The following GLCCI1 variants were observed in gnomAD, a reference collection of about 807,000 sequenced individuals.
GLCCI1 encodes the protein glucocorticoid-induced transcript 1 protein.
Under a neutral mutation model 52.2 loss-of-function variants are expected in GLCCI1, and 24 were observed. The observed-to-expected ratio is 0.46, with a 90% CI of 0.33 to 0.65. GLCCI1 has a LOEUF of 0.65. Ranked by LOEUF, GLCCI1 falls within the 30% of genes least tolerant of loss-of-function variation. The pLI, the probability that GLCCI1 is intolerant of heterozygous loss-of-function variation, is 0.02. For synonymous variants in GLCCI1, 310 were observed against 276.5 expected, an observed-to-expected ratio of 1.12 and a Z score of -1.20; for missense variants, 704 against 701.5, an observed-to-expected ratio of 1.00 and a Z score of -0.04.
intron 4 of GLCCI1, among the ~76,000 whole-genome samples, chr7:8,058,229 C>G (rs1206790088): frequency 6.6e-6 from 1 of 152,074 alleles, no homozygotes; most frequent in Non-Finnish European, 1.5e-5. Flanking sequence ...AATATGTAAA[C>G]TATACATCTT....
intron 4 of GLCCI1, among the ~76,000 whole-genome samples, chr7:8,058,919 C>A (rs906875693): frequency 2.0e-5 from 3 of 152,048 alleles, no homozygotes; most frequent in African/African-American, 7.2e-5. Context: ...ATACTATATT[C>A]TTTAATAAAG....
At chr7:8,023,825 C>T (rs1781553424) in intron 3 of GLCCI1, among the ~76,000 whole-genome samples, 1 of 151,706 alleles carries the variant, frequency 6.6e-6, no homozygotes, top group African/African-American at 2.4e-5. Flanking sequence ...TCTCGAACTC[C>T]TGACCTTAAG....
chr7:8,061,469 G>A (rs11978165), intron 5 of GLCCI1, among the ~76,000 whole-genome samples: 93,713 of 151,766 alleles, frequency 0.62, 29,103 homozygotes, highest in African/African-American at 0.65. Context: ...TTTAAAATTG[G>A]CAGTGAAATT....
At chr7:8,079,546 G>A (rs968107156) in intron 6 of GLCCI1, among the ~76,000 whole-genome samples, 2 of 151,254 alleles carry the variant, frequency 1.3e-5, no homozygotes, top group Admixed American at 6.6e-5. Context: ...ATTTTTAATT[G>A]TCATATCAGA....
intron 4 of GLCCI1, among the ~76,000 whole-genome samples, chr7:8,059,353 T>C (rs1274577878): frequency 6.6e-6 from 1 of 152,208 alleles, no homozygotes; most frequent in Non-Finnish European, 1.5e-5. Flanking sequence ...GTCTACCTTA[T>C]CACAGATCAT....
chr7:7,991,453 G>A (rs924529288), intron 1 of GLCCI1, among the ~76,000 whole-genome samples: 4 of 151,922 alleles, frequency 2.6e-5, no homozygotes, highest in Non-Finnish European at 4.4e-5. Flanking sequence ...AGGAATTATA[G>A]GCATACACCT....
Position 7,969,245 on chromosome 7 carries a change from C to A in GLCCI1, c.-106C>A. ...CCCACAGCGATACCCCCGCCCCTCC[C>A]CCTTACACACTCGCACGCACTATCG... On this transcript the variant is annotated 5_prime_UTR_variant, in exon 1 of 8. Coordinates refer to ENST00000223145, the MANE Select transcript of GLCCI1 (RefSeq NM_138426.4). This position sits in a 1 kb window ranked among gnomAD's most constrained non-coding sequence, Gnocchi z 4.9. The A allele has an allele frequency of 8.8e-7, 1 of 1,131,028 alleles. No individual in the cohort carries two copies. The highest frequency in any genetic ancestry group is 1.1e-6 in the Non-Finnish European group (1 of 897,466). The allele number at this position is 1,131,028 out of a possible 1,614,324, so 70.1% of individuals were successfully genotyped here.
chr7:8,010,571 AAAG>A (rs1781244304), intron 2 of GLCCI1, among the ~76,000 whole-genome samples: 1 of 152,190 alleles, frequency 6.6e-6, no homozygotes, highest in African/African-American at 2.4e-5. Context: ...AGCTAAATTA[AAAG>A]AAGTAAATAT....
chr7:8,054,100 C>T (rs763463282), intron 3 of GLCCI1, among the ~76,000 whole-genome samples: 2 of 152,108 alleles, frequency 1.3e-5, no homozygotes, highest in Non-Finnish European at 1.5e-5. Flanking sequence ...TCTAGGCATT[C>T]TGAGCTCTTT....
chr7:8,050,644 T>A (rs931340727), intron 3 of GLCCI1, among the ~76,000 whole-genome samples: 1 of 152,228 alleles, frequency 6.6e-6, no homozygotes, highest in East Asian at 1.9e-4. Flanking sequence ...GAAGGAGTTA[T>A]CTCAGTTCAG....
chr7:8,084,457 C>G (rs1425713948), intron 6 of GLCCI1, among the ~76,000 whole-genome samples: 1 of 152,118 alleles, frequency 6.6e-6, no homozygotes, highest in Non-Finnish European at 1.5e-5. Context: ...AACATTTCTG[C>G]TAAGAACTTT....
At chr7:8,047,881 T>C (rs759799788) in intron 3 of GLCCI1, among the ~76,000 whole-genome samples, 3 of 152,216 alleles carry the variant, frequency 2.0e-5, no homozygotes, top group African/African-American at 4.8e-5. Context: ...TTATCTCTTA[T>C]GATAATCAAA....
chr7:8,039,767 G>C (rs780101337), intron 3 of GLCCI1, among the ~76,000 whole-genome samples: 1 of 152,050 alleles, frequency 6.6e-6, no homozygotes, highest in African/African-American at 2.4e-5. Flanking sequence ...GAGGCCACGC[G>C]GGGTGGATCA....
intron 3 of GLCCI1, among the ~76,000 whole-genome samples, chr7:8,034,236 T>C (rs1041217114): frequency 6.6e-6 from 1 of 152,166 alleles, no homozygotes; most frequent in Non-Finnish European, 1.5e-5. Context: ...GCTCTCACCA[T>C]AGAGAAAAAT....
intron 3 of GLCCI1, among the ~76,000 whole-genome samples, chr7:8,028,511 G>C (rs1249342653): frequency 3.3e-5 from 5 of 151,868 alleles, no homozygotes; most frequent in African/African-American, 1.2e-4. Flanking sequence ...CAAAAAAGAA[G>C]AAAAACTTCA....
chr7:8,002,329 T>C (rs1038195467), intron 1 of GLCCI1, among the ~76,000 whole-genome samples: 6 of 152,138 alleles, frequency 3.9e-5, no homozygotes, highest in Admixed American at 2.0e-4. Flanking sequence ...AAACAAAATA[T>C]CTTCTCTGTA....
At chr7:8,036,750 T>G (rs1781876882) in intron 3 of GLCCI1, among the ~76,000 whole-genome samples, 1 of 152,154 alleles carries the variant, frequency 6.6e-6, no homozygotes, top group Non-Finnish European at 1.5e-5. Flanking sequence ...TTGAATGAAT[T>G]ACAAAATAGA....
At chr7:7,981,844 ATGT>A (rs1780628366) in intron 1 of GLCCI1, 1 of 435,792 alleles carries the variant, frequency 2.3e-6, no homozygotes, top group Non-Finnish European at 4.6e-6. Context: ...GCAAAATATA[ATGT>A]TGTACTAGAT....
At chr7:8,063,998 A>G (rs1479574622) in intron 5 of GLCCI1, among the ~76,000 whole-genome samples, 1 of 152,178 alleles carries the variant, frequency 6.6e-6, no homozygotes, top group Non-Finnish European at 1.5e-5. Context: ...GATTCTGGAT[A>G]TTAGACCTTT....
Sources: allele counts gnomAD v4.1 joint callset (sites outside exome capture counted in the v4.1 genomes callset), GRCh38; gene constraint gnomAD v4.1.1; non-coding constraint Gnocchi (gnomAD v3.1); transcripts MANE v1.5; gene names NCBI Gene and HGNC (gene_info 2026-07-23, HGNC 2026-07-21).